The following TUSC3 variants were observed in gnomAD, a reference collection of about 807,000 sequenced individuals.
TUSC3 encodes dolichyl-diphosphooligosaccharide--protein glycosyltransferase subunit TUSC3.
Under a neutral mutation model 44.8 loss-of-function variants are expected in TUSC3, and 45 were observed. That is an observed-to-expected ratio of 1.00 (90% CI 0.79 to 1.29). TUSC3 has a LOEUF of 1.29. Ranked by LOEUF, TUSC3 falls within the 50% of genes most tolerant of loss-of-function variation. TUSC3 has a pLI of 0.00. For synonymous variants in TUSC3, 212 were observed against 152.9 expected, an observed-to-expected ratio of 1.39 and a Z score of -2.85; for missense variants, 519 against 437.9, an observed-to-expected ratio of 1.19 and a Z score of -1.65.
intron 1 of TUSC3, among the ~76,000 whole-genome samples, chr8:15,601,049 A>G (rs1266410093): frequency 2.0e-5 from 3 of 151,678 alleles, no homozygotes; most frequent in Non-Finnish European, 3.0e-5. Flanking sequence ...TGCAAGCTAT[A>G]ACACTAGAGA....
chr8:15,692,387 T>G (rs1208589748), intron 6 of TUSC3, among the ~76,000 whole-genome samples: 53 of 144,094 alleles, frequency 3.7e-4, no homozygotes, highest in African/African-American at 1.2e-3. Context: ...TTTTTTTTTT[T>G]TTTTTTTTTT....
intron 9 of TUSC3, chr8:15,748,938 A>G (rs1224104405): frequency 2.8e-6 from 1 of 357,524 alleles, no homozygotes; most frequent in Non-Finnish European, 5.4e-6. Flanking sequence ...ATAAATCATC[A>G]TAACGAGTAT....
intron 6 of TUSC3, among the ~76,000 whole-genome samples, chr8:15,704,587 CTG>C (rs1459745581): frequency 1.3e-5 from 2 of 152,110 alleles, no homozygotes; most frequent in African/African-American, 4.8e-5. Flanking sequence ...CTAAACTAGA[CTG>C]TAACGCTGGT....
chr8:15,450,006 C>G (rs554649440), intron 1 of TUSC3, among the ~76,000 whole-genome samples: 2 of 152,248 alleles, frequency 1.3e-5, no homozygotes, highest in South Asian at 2.1e-4. Flanking sequence ...GGCTATCCCT[C>G]TAGGTTTTTC....
chr8:15,609,557 C>G (rs538566954), intron 1 of TUSC3, among the ~76,000 whole-genome samples: 2 of 151,990 alleles, frequency 1.3e-5, no homozygotes, highest in South Asian at 2.1e-4. Context: ...GTGACAGAAG[C>G]TAATGCAGTG....
chr8:15,750,500 GAGTTTA>G (rs1460097716), intron 9 of TUSC3, among the ~76,000 whole-genome samples: 1 of 151,794 alleles, frequency 6.6e-6, no homozygotes, highest in African/African-American at 2.4e-5. Context: ...ACGATAGGAA[GAGTTTA>G]AGTTTGTACT....
intron 6 of TUSC3, among the ~76,000 whole-genome samples, chr8:15,675,536 A>C (rs749423452): frequency 2.0e-5 from 3 of 151,908 alleles, no homozygotes; most frequent in Non-Finnish European, 4.4e-5. Flanking sequence ...GGATTGGGGT[A>C]TGAATGATCT....
intron 2 of TUSC3, among the ~76,000 whole-genome samples, chr8:15,495,593 A>G (rs1173163083): frequency 1.4e-4 from 22 of 152,036 alleles, no homozygotes; most frequent in Admixed American, 1.4e-3. Context: ...ATGTTTGTGT[A>G]TTCCCCTCCC....
chr8:15,775,659 T>C, the TUSC3 span, among the ~76,000 whole-genome samples: 5 of 129,916 alleles, frequency 3.8e-5, no homozygotes, highest in East Asian at 4.4e-4. Context: ...TACACACACA[T>C]ATACATATAT....
At chr8:15,496,658 C>G (rs1800884299) in intron 2 of TUSC3, among the ~76,000 whole-genome samples, 1 of 152,134 alleles carries the variant, frequency 6.6e-6, no homozygotes, top group African/African-American at 2.4e-5. Flanking sequence ...GGAGTAGGAA[C>G]AGACCCTGAG....
intron 2 of TUSC3, among the ~76,000 whole-genome samples, chr8:15,501,378 C>T (rs776346587): frequency 2.0e-5 from 3 of 152,214 alleles, no homozygotes; most frequent in African/African-American, 4.8e-5. Context: ...ATGGTACTTT[C>T]GCTATACTTC....
chr8:15,452,577 G>A (rs183638640), intron 1 of TUSC3, among the ~76,000 whole-genome samples: 3 of 152,222 alleles, frequency 2.0e-5, no homozygotes, highest in Admixed American at 1.3e-4. Flanking sequence ...GGGAGGAGGG[G>A]AAAGCAAAAA....
intron 5 of TUSC3, among the ~76,000 whole-genome samples, chr8:15,665,312 C>G (rs1438867967): frequency 6.6e-6 from 1 of 151,404 alleles, no homozygotes; most frequent in African/African-American, 2.4e-5. Flanking sequence ...GGTACAGAAT[C>G]TCTGGCCCCA....
At chr8:15,565,277 C>T (rs1238892323) in intron 1 of TUSC3, among the ~76,000 whole-genome samples, 5 of 151,800 alleles carry the variant, frequency 3.3e-5, no homozygotes, top group Non-Finnish European at 5.9e-5. Flanking sequence ...GAAAAACTGA[C>T]TCTGATTTTC....
chr8:15,712,225 C>T (rs929403947), intron 6 of TUSC3, among the ~76,000 whole-genome samples: 8 of 151,872 alleles, frequency 5.3e-5, no homozygotes, highest in East Asian at 3.9e-4. Flanking sequence ...ATTCATTCTT[C>T]GTCTTCAGAC....
the TUSC3 span, chr8:15,806,378 T>C: frequency 4.1e-6 from 3 of 737,316 alleles, no homozygotes; most frequent in African/African-American, 5.2e-5. Flanking sequence ...TGCCCAACTC[T>C]GCCTCCTTCT....
chr8:15,616,072 G>T (rs1039653175), intron 1 of TUSC3, among the ~76,000 whole-genome samples: 6 of 152,114 alleles, frequency 3.9e-5, no homozygotes, highest in Non-Finnish European at 8.8e-5. Flanking sequence ...AAGTTCTAAT[G>T]GTCGATAACA....
At chr8:15,578,753 C>G (rs957216007) in intron 1 of TUSC3, among the ~76,000 whole-genome samples, 21 of 152,068 alleles carry the variant, frequency 1.4e-4, no homozygotes, top group Non-Finnish European at 2.2e-4. Context: ...CAATGTTCAT[C>G]AAGGATATTG....
chr8:15,812,614 C>T, the TUSC3 span, among the ~76,000 whole-genome samples: 2 of 152,096 alleles, frequency 1.3e-5, no homozygotes, highest in Non-Finnish European at 2.9e-5. Context: ...CCACTTGTCC[C>T]AAAAAAGGCA....
Sources: gnomAD v4.1 joint callset for allele counts (sites outside exome capture counted in the v4.1 genomes callset) on GRCh38, gnomAD v4.1.1 for gene constraint, MANE v1.5 for transcripts, NCBI Gene and HGNC (gene_info 2026-07-23, HGNC 2026-07-21) for gene names.